The following GABRG1 variants were observed in gnomAD, a reference collection of about 807,000 sequenced individuals.
The protein encoded by GABRG1 is gamma-aminobutyric acid type A receptor subunit gamma1.
A neutral mutation model predicts 49.8 loss-of-function variants in GABRG1; 49 were observed. The observed-to-expected ratio is 0.98, with a 90% CI of 0.78 to 1.25. The LOEUF is 1.25. Among genes scored for constraint, GABRG1 ranks in the 50% most tolerant of loss-of-function variants. The pLI is 0.00. For synonymous variants in GABRG1, 232 were observed against 185.1 expected (o/e 1.25, Z -2.06); for missense variants, 552 against 552.3 (o/e 1.00, Z 0.01).
At chr4:46,044,532 C>T (rs1717912771) in intron 8 of GABRG1, among the ~76,000 whole-genome samples, 2 of 151,888 alleles carry the variant, frequency 1.3e-5, no homozygotes, top group African/African-American at 4.8e-5. Flanking sequence ...GAGGAGCTGC[C>T]AATCAGCATT....
At chr4:46,068,236 C>CA (rs1489537366) in intron 3 of GABRG1, among the ~76,000 whole-genome samples, 1 of 152,132 alleles carries the variant, frequency 6.6e-6, no homozygotes, top group Non-Finnish European at 1.5e-5. Context: ...TAGGATCAAA[C>CA]AGCAGAAACT....
intron 2 of GABRG1, among the ~76,000 whole-genome samples, chr4:46,088,182 G>A (rs574245995): frequency 6.6e-6 from 1 of 152,010 alleles, no homozygotes; most frequent in African/African-American, 2.4e-5. Context: ...CTGGGCAGCT[G>A]TTTGTGTTCG....
At chr4:46,066,642 G>C (rs182134075) in intron 3 of GABRG1, among the ~76,000 whole-genome samples, 165 of 152,186 alleles carry the variant, frequency 1.1e-3, no homozygotes, top group African/African-American at 3.8e-3. Context: ...CAAGGTTAGA[G>C]CAAAGCCTTT....
intron 5 of GABRG1, among the ~76,000 whole-genome samples, chr4:46,059,597 G>C (rs916983199): frequency 6.6e-6 from 1 of 151,590 alleles, no homozygotes; most frequent in Non-Finnish European, 1.5e-5. Context: ...ATCTTTATTA[G>C]AGACAGGGTT....
intron 2 of GABRG1, among the ~76,000 whole-genome samples, chr4:46,095,210 A>C (rs1390058737): frequency 6.6e-6 from 1 of 151,804 alleles, no homozygotes; most frequent in East Asian, 1.9e-4. Flanking sequence ...TACAACTGAG[A>C]TGAAGAGAAG....
intron 1 of GABRG1, among the ~76,000 whole-genome samples, chr4:46,121,404 T>C (rs972284987): frequency 1.3e-5 from 2 of 152,000 alleles, no homozygotes; most frequent in Non-Finnish European, 2.9e-5. Context: ...CAACTGTAGC[T>C]ACTTTATTTT....
At chr4:46,077,065 T>TA (rs1349874926) in intron 3 of GABRG1, among the ~76,000 whole-genome samples, 1 of 136,790 alleles carries the variant, frequency 7.3e-6, no homozygotes, top group African/African-American at 2.8e-5. Context: ...TCATTACTTT[T>TA]AAAAAATCCG....
chr4:46,108,542 G>T (rs1720628171), intron 1 of GABRG1, among the ~76,000 whole-genome samples: 1 of 150,944 alleles, frequency 6.6e-6, no homozygotes, highest in South Asian at 2.1e-4. Flanking sequence ...TTTGTGCTAG[G>T]ATTCTGAACA....
chr4:46,100,552 G>C (rs1720345186), intron 1 of GABRG1, among the ~76,000 whole-genome samples: 1 of 151,276 alleles, frequency 6.6e-6, no homozygotes, highest in African/African-American at 2.4e-5. Flanking sequence ...AATTAGACTT[G>C]TTGAGATATT....
rs144158953 is a variant in GABRG1 at position 46,109,698 on chromosome 4, T to G, written c.105-12349A>C. On this transcript the variant is annotated intron_variant, in intron 1 of 8. Transcript: ENST00000295452. ...ACTGCTTTTGCAGCATAACAGAGAC[T>G]TTAGTATATTGTGTCTCTGTCTTCA... Among the ~76,000 whole-genome samples, 893 of 151,290 alleles carry G rather than the reference T, an allele frequency of 5.9e-3. 9 individuals carry two copies. The highest frequency in any genetic ancestry group is 0.019 in the African/African-American group (775 of 41,448).
At chr4:46,073,946 A>T (rs1719233518) in intron 3 of GABRG1, among the ~76,000 whole-genome samples, 1 of 152,082 alleles carries the variant, frequency 6.6e-6, no homozygotes, top group South Asian at 2.1e-4. Flanking sequence ...AGAAAGCAAA[A>T]CCACAGATAA....
chr4:46,070,120 G>A (rs956854532), intron 3 of GABRG1, among the ~76,000 whole-genome samples: 1 of 151,856 alleles, frequency 6.6e-6, no homozygotes, highest in Non-Finnish European at 1.5e-5. Context: ...CCTACATCTG[G>A]AAGAGCTTTT....
At chr4:46,112,639 C>T (rs532184334) in intron 1 of GABRG1, among the ~76,000 whole-genome samples, 3 of 151,094 alleles carry the variant, frequency 2.0e-5, no homozygotes, top group East Asian at 2.0e-4. Context: ...ATAAACACTA[C>T]ATAGCCATAA....
chr4:46,090,328 A>G (rs1243237861), intron 2 of GABRG1, among the ~76,000 whole-genome samples: 2 of 152,094 alleles, frequency 1.3e-5, no homozygotes, highest in Non-Finnish European at 2.9e-5. Context: ...TTGATCTGAA[A>G]TAAATGTACC....
chr4:46,111,875 C>T (rs1720727319), intron 1 of GABRG1, among the ~76,000 whole-genome samples: 1 of 150,996 alleles, frequency 6.6e-6, no homozygotes, highest in Non-Finnish European at 1.5e-5. Context: ...TAAAACTTCA[C>T]ACTGTAATAA....
At chr4:46,087,794 T>C (rs1719836003) in intron 2 of GABRG1, among the ~76,000 whole-genome samples, 1 of 151,952 alleles carries the variant, frequency 6.6e-6, no homozygotes, top group Admixed American at 6.6e-5. Flanking sequence ...TAGATACTTC[T>C]TGTGAGACCT....
chr4:46,064,752 T>C (rs1162642706), intron 4 of GABRG1, among the ~76,000 whole-genome samples: 1 of 152,126 alleles, frequency 6.6e-6, no homozygotes, highest in East Asian at 1.9e-4. Flanking sequence ...TACCTCTGTA[T>C]ACATTTCAAT....
At chr4:46,081,955 C>T (rs1719589571) in intron 3 of GABRG1, among the ~76,000 whole-genome samples, 1 of 151,822 alleles carries the variant, frequency 6.6e-6, no homozygotes, top group Non-Finnish European at 1.5e-5. Context: ...GCCTCTATAA[C>T]TGCAAGAAAT....
chr4:46,098,330 A>G (rs995931548), intron 1 of GABRG1, among the ~76,000 whole-genome samples: 3 of 151,788 alleles, frequency 2.0e-5, no homozygotes, highest in African/African-American at 7.2e-5. Context: ...AGACTTAACA[A>G]CACACCCATT....
Sources: allele counts gnomAD v4.1 joint callset (sites outside exome capture counted in the v4.1 genomes callset), GRCh38; gene constraint gnomAD v4.1.1; transcripts MANE v1.5; gene names NCBI Gene and HGNC (gene_info 2026-07-23, HGNC 2026-07-21).